Variants in FUNDC2 observed in about 807,000 individuals in gnomAD.
The protein encoded by FUNDC2 is FUN14 domain containing 2.
In FUNDC2, 4 loss-of-function variants were observed where a neutral mutation model predicts 15.6. The observed-to-expected ratio is 0.26, with a 90% CI of 0.13 to 0.59. FUNDC2 has a LOEUF of 0.59. FUNDC2 is among the 20% of genes least tolerant of loss of function. The pLI is 0.90. For missense variants in FUNDC2, 98 were observed against 149.7 expected (o/e 0.65, Z 1.80); for synonymous variants, 44 against 56.9 (o/e 0.77, Z 1.02).
intron 2 of FUNDC2, 36 bp from the exon 3 acceptor site, chrX:155,046,473 C>G (rs1242209520): frequency 6.3e-6 from 7 of 1,113,731 alleles, no homozygotes; most frequent in Non-Finnish European, 8.7e-6. Flanking sequence ...TAACTGACAG[C>G]TCATCAATTT....
intron 2 of FUNDC2, among the ~76,000 whole-genome samples, chrX:155,044,275 G>A (rs1430831226): frequency 9.0e-6 from 1 of 111,617 alleles, no homozygotes; most frequent in Non-Finnish European, 1.9e-5. Context: ...TCCAGATGAG[G>A]AGCTGTAACA....
intron 3 of FUNDC2, among the ~76,000 whole-genome samples, chrX:155,048,032 T>C (rs2073868409): frequency 9.0e-6 from 1 of 111,634 alleles, no homozygotes; most frequent in African/African-American, 3.3e-5. Flanking sequence ...GTTTCCCTTA[T>C]ATGCTGCCCC....
In FUNDC2 at chrX:155,056,101, C is replaced by G. The variant is rs1557290871; in HGVS notation, c.*1429C>G. On this transcript the variant is annotated 3_prime_UTR_variant, in exon 5 of 5. Coordinates refer to ENST00000369498, the MANE Select transcript of FUNDC2 (RefSeq NM_023934.4). ...ATCTCAAAACCATAATGGTATGAGCCTCTTTGCTGCATATTTTGCTATAAG... is the reference window on the plus strand; with the variant it reads ...ATCTCAAAACCATAATGGTATGAGCGTCTTTGCTGCATATTTTGCTATAAG... The G allele has an allele frequency of 9.0e-6, 1 of 111,537 alleles. No homozygotes were observed. Among genetic ancestry groups the G allele is most frequent in the African/African-American group, 3.3e-5 (1 of 30,652 alleles). The allele number at this position is 111,537 out of a possible 1,213,427, so 9.2% of individuals were successfully genotyped here. A position where few individuals can be genotyped will look rare whatever the true frequency, so the allele number is the denominator to read the frequency against.
Position 155,026,895 on chromosome X carries a change from G to A in FUNDC2, c.-44G>A. ...TAGCCGCTTGCGGAGACTGCAAGCA[G>A]CCGCGGCGCGCCCGGCCCTCCCTCT... On this transcript the variant is annotated 5_prime_UTR_variant, in exon 1 of 5. Coordinates refer to ENST00000369498, the MANE Select transcript of FUNDC2 (RefSeq NM_023934.4). The A allele has an allele frequency of 8.6e-7, 1 of 1,164,008 alleles. No individual in the cohort carries two copies. Among genetic ancestry groups the A allele is most frequent in the Admixed American group, 2.5e-5 (1 of 40,164 alleles).
Position 155,051,534 on chromosome X carries a change from C to T in FUNDC2, c.361-136C>T. On this transcript the variant is annotated intron_variant, in intron 3 of 4. Transcript: ENST00000369498. ...ATGCTGAGTAGATGTCATCATGATA[C>T]AAAGAATCAAATGGCAGATGTCTCC... The T allele has an allele frequency of 8.0e-6, 5 of 624,962 alleles. 1 individual carries two copies. Among genetic ancestry groups the T allele is most frequent in the South Asian group, 5.9e-5 (2 of 33,726 alleles). 51.5% of individuals were successfully genotyped at this position (624,962 alleles called of 1,213,427 possible). A position where few individuals can be genotyped will look rare whatever the true frequency, so the allele number is the denominator to read the frequency against.
intron 3 of FUNDC2, among the ~76,000 whole-genome samples, chrX:155,048,683 T>C (rs1422079331): frequency 2.7e-5 from 3 of 112,829 alleles, no homozygotes; most frequent in Non-Finnish European, 5.6e-5. Context: ...ATTGGAACCA[T>C]GTAGATATCT....
At chrX:155,036,124 C>T (rs921541793) in intron 2 of FUNDC2, among the ~76,000 whole-genome samples, 1 of 112,136 alleles carries the variant, frequency 8.9e-6, no homozygotes, top group African/African-American at 3.2e-5. Context: ...CATCTTACAT[C>T]TCCACCAGCA....
chrX:155,042,171 C>CTTTTTT (rs1557289640), intron 2 of FUNDC2, among the ~76,000 whole-genome samples: 2 of 62,403 alleles, frequency 3.2e-5, no homozygotes, highest in African/African-American at 6.6e-5. Flanking sequence ...TTTTCTTTTT[C>CTTTTTT]TATCTTTTTT....
intron 3 of FUNDC2, among the ~76,000 whole-genome samples, chrX:155,048,897 C>G (rs1195657853): frequency 2.7e-5 from 3 of 112,404 alleles, no homozygotes; most frequent in Non-Finnish European, 5.6e-5. Flanking sequence ...CTGATTCATG[C>G]TAGTGTGTTG....
At chrX:155,048,437 C>A (rs782344664) in intron 3 of FUNDC2, among the ~76,000 whole-genome samples, 12 of 112,411 alleles carry the variant, frequency 1.1e-4, no homozygotes, top group Non-Finnish European at 2.3e-4. Context: ...TTGTCTCTTT[C>A]ATATATCAGA....
chrX:155,038,928 C>G (rs1442863523), intron 2 of FUNDC2, among the ~76,000 whole-genome samples: 1 of 112,177 alleles, frequency 8.9e-6, no homozygotes, highest in Non-Finnish European at 1.9e-5. Context: ...AGTCTCCATA[C>G]AGTTTTCCAT....
Position 155,057,959 on chromosome X carries a change from G to C in FUNDC2, c.*3287G>C, listed in dbSNP as rs115858644. On this transcript the variant is annotated 3_prime_UTR_variant, in exon 5 of 5. Coordinates refer to ENST00000369498, the MANE Select transcript of FUNDC2 (RefSeq NM_023934.4). ...TCCTCATTGCTGACACGGGAGCTGG[G>C]TGCGGGGAGAGATGTGGTGGTGGGG... 0.046 allele frequency: 5,157 copies of C among 111,542 alleles called. 303 individuals are homozygous for C. Among genetic ancestry groups the C allele is most frequent in the African/African-American group, 0.16 (4,828 of 30,523 alleles). 9.2% of individuals were successfully genotyped at this position (111,542 alleles called of 1,213,427 possible). A position where few individuals can be genotyped will look rare whatever the true frequency, so the allele number is the denominator to read the frequency against.
At chrX:155,042,175 CTTTTTTTTTT>C (rs1175079092) in intron 2 of FUNDC2, among the ~76,000 whole-genome samples, 13 of 39,198 alleles carry the variant, frequency 3.3e-4, no homozygotes, top group African/African-American at 1.2e-3. Context: ...CTTTTTCTAT[CTTTTTTTTTT>C]TTTTTTTTTT....
chrX:155,038,944 C>T (rs1370181123), intron 2 of FUNDC2, among the ~76,000 whole-genome samples: 1 of 112,110 alleles, frequency 8.9e-6, no homozygotes, highest in Non-Finnish European at 1.9e-5. Context: ...TCCATAATGG[C>T]TCTACTAATT....
chrX:155,047,379 T>C (rs1400368061), intron 3 of FUNDC2: 2 of 342,180 alleles, frequency 5.8e-6, no homozygotes, highest in Non-Finnish European at 1.2e-5. Flanking sequence ...TTGGCAACCC[T>C]CACTTTTGCA....
At chrX:155,041,439 C>T (rs782188532) in intron 2 of FUNDC2, among the ~76,000 whole-genome samples, 12 of 111,851 alleles carry the variant, frequency 1.1e-4, no homozygotes, top group Admixed American at 1.9e-4. Context: ...TTCTTGTGCT[C>T]TTCATGCCTT....
rs1469450962 is a variant in FUNDC2, at chrX:155,059,521, G to T, written c.*4849G>T. ...GTTCTTTGCTTAAGACTGAGATTCA[G>T]TGTTACTCTTGGTCCCTAACAATAA... On this transcript the variant is annotated 3_prime_UTR_variant, in exon 5 of 5. Coordinates refer to ENST00000369498, the MANE Select transcript of FUNDC2 (RefSeq NM_023934.4). 9.1e-6 allele frequency: 1 copy of T among 109,576 alleles called. No individual in the cohort carries two copies. The highest frequency in any genetic ancestry group is 3.3e-5 in the African/African-American group (1 of 29,979). 9.0% of individuals were successfully genotyped at this position (109,576 alleles called of 1,213,427 possible).
rs5987082 is a variant in FUNDC2, at chrX:155,035,746, G to A, written c.284+2193G>A. On this transcript the variant is annotated intron_variant, in intron 2 of 4. Transcript: ENST00000369498. ...TGCCCAGACTGGAGTGCAGTGGCAC[G>A]ATCTTGGCTCACCGCCTCCTGGGTT... Among the ~76,000 whole-genome samples the A allele has an allele frequency of 6.4e-3, 724 of 112,296 alleles. 7 individuals are homozygous for A. The highest frequency in any genetic ancestry group is 0.022 in the African/African-American group (688 of 30,879).
At chrX:155,032,122 C>T (rs782029654) in intron 1 of FUNDC2, among the ~76,000 whole-genome samples, 1 of 109,625 alleles carries the variant, frequency 9.1e-6, no homozygotes, top group South Asian at 4.0e-4. Flanking sequence ...ATTACAGGCG[C>T]ATGCCACCAT....
Sources: gnomAD v4.1 joint callset for allele counts (sites outside exome capture counted in the v4.1 genomes callset) on GRCh38, gnomAD v4.1.1 for gene constraint, MANE v1.5 for transcripts, NCBI Gene and HGNC (gene_info 2026-07-23, HGNC 2026-07-21) for gene names.